The following DCAF5 variants were observed in gnomAD, a reference collection of about 807,000 sequenced individuals.
DCAF5 encodes DDB1 and CUL4 associated factor 5.
Under a neutral mutation model 80.7 loss-of-function variants are expected in DCAF5, and 9 were observed. The ratio of observed to expected loss-of-function variants is 0.11; its 90% confidence interval spans 0.07 to 0.19. DCAF5 has a LOEUF of 0.19. Among genes scored for constraint, DCAF5 ranks in the 10% least tolerant of loss-of-function variants. The pLI is 1.00. For missense variants in DCAF5, 842 were observed against 1,205.7 expected (o/e 0.70, Z 4.47); for synonymous variants, 433 against 461.9 (o/e 0.94, Z 0.80).
chr14:69,112,888 C>CG (rs2040420008), intron 5 of DCAF5, among the ~76,000 whole-genome samples: 1 of 152,164 alleles, frequency 6.6e-6, no homozygotes, highest in Admixed American at 6.5e-5. Flanking sequence ...AGTATGGCTT[C>CG]AGAGCCTATA....
intron 5 of DCAF5, among the ~76,000 whole-genome samples, chr14:69,094,450 A>C (rs2039633130): frequency 6.6e-6 from 1 of 152,192 alleles, no homozygotes; most frequent in African/African-American, 2.4e-5. Context: ...CTGACCTCTC[A>C]CACAAAGAAA....
chr14:69,126,770 G>A (rs1287204978), intron 1 of DCAF5, among the ~76,000 whole-genome samples: 1 of 152,118 alleles, frequency 6.6e-6, no homozygotes, highest in Non-Finnish European at 1.5e-5. Flanking sequence ...ATAATCAACT[G>A]ATCTTTGACC....
chr14:69,084,521 G>A (rs1315163691), intron 6 of DCAF5: 2 of 764,904 alleles, frequency 2.6e-6, no homozygotes, highest in African/African-American at 1.7e-5. Context: ...TCTGAAAAAG[G>A]AGCCATTGTA....
chr14:69,091,939 C>A, intron 5 of DCAF5, 52 bp from the exon 6 acceptor site: 1 of 1,466,930 alleles, frequency 6.8e-7, no homozygotes, highest in South Asian at 1.2e-5. Context: ...AAACAAGAGT[C>A]TGAAAAACAC....
At chr14:69,116,300 C>A in intron 5 of DCAF5, 66 bp downstream of exon 5, 1 of 1,559,866 alleles carries the variant, frequency 6.4e-7, no homozygotes, top group Non-Finnish European at 8.7e-7. Flanking sequence ...CACTTACTGG[C>A]TGGTCACATT....
intron 7 of DCAF5, among the ~76,000 whole-genome samples, chr14:69,070,395 T>C (rs919028141): frequency 9.2e-5 from 14 of 152,258 alleles, no homozygotes; most frequent in African/African-American, 3.1e-4. Context: ...CAATGTCTTG[T>C]ATTTGAATAC....
At chr14:69,144,251 A>G (rs746013842) in intron 1 of DCAF5, among the ~76,000 whole-genome samples, 1 of 152,154 alleles carries the variant, frequency 6.6e-6, no homozygotes, top group Admixed American at 6.5e-5. Flanking sequence ...AAAAAAGTTA[A>G]ATAATAATTT....
At position 69,052,781 on chromosome 14, in the gene DCAF5, C is replaced by G. The variant is rs997188689; in HGVS notation, c.*1076G>C. On this transcript the variant is annotated 3_prime_UTR_variant, in exon 9 of 9. Transcript: ENST00000341516. ...TCTGCAAAGTCTAGTGAGAACACCA[C>G]AGCCTCTATCAACTGCAAGTCTGAG... 6.6e-6 allele frequency: 1 copy of G among 152,286 alleles called. No homozygotes were observed. The highest frequency in any genetic ancestry group is 2.1e-4 in the South Asian group (1 of 4,834). The allele number at this position is 152,286 out of a possible 1,614,324, so 9.4% of individuals were successfully genotyped here.
intron 6 of DCAF5, chr14:69,085,408 T>C (rs1480901022): frequency 3.8e-6 from 2 of 531,870 alleles, no homozygotes; most frequent in Non-Finnish European, 7.1e-6. Context: ...CTTTCTTTCA[T>C]CTTGAATAAC....
Position 69,052,396 on chromosome 14 carries a change from C to T in DCAF5, c.*1461G>A, listed in dbSNP as rs2037791104. 2 of 152,746 alleles carry T rather than the reference C, an allele frequency of 1.3e-5. No homozygotes were observed. The highest frequency in any genetic ancestry group is 4.8e-5 in the African/African-American group (2 of 41,466). 9.5% of individuals were successfully genotyped at this position (152,746 alleles called of 1,614,324 possible). A position where few individuals can be genotyped will look rare whatever the true frequency, so the allele number is the denominator to read the frequency against. ...TCCCTACACCAATCCCAGCTGGGCT[C>T]CTAGTTGTCTAGCACCTTTGCACTC... On this transcript the variant is annotated 3_prime_UTR_variant, in exon 9 of 9. Coordinates refer to ENST00000341516, the MANE Select transcript of DCAF5 (RefSeq NM_003861.3).
intron 1 of DCAF5, among the ~76,000 whole-genome samples, chr14:69,134,893 TAAAAATATA>T (rs2041143729): frequency 6.6e-6 from 1 of 152,330 alleles, no homozygotes; most frequent in African/African-American, 2.4e-5. Flanking sequence ...GAATGTATCT[TAAAAATATA>T]AAAAATATTC....
chr14:69,147,396 G>A (rs1034257675), intron 1 of DCAF5, among the ~76,000 whole-genome samples: 3 of 152,288 alleles, frequency 2.0e-5, no homozygotes, highest in Non-Finnish European at 2.9e-5. Context: ...CATGGGTTAG[G>A]CCCTTGTGCT....
intron 1 of DCAF5, among the ~76,000 whole-genome samples, chr14:69,124,790 G>C (rs1396529071): frequency 6.6e-6 from 1 of 152,110 alleles, no homozygotes; most frequent in Non-Finnish European, 1.5e-5. Flanking sequence ...GTTCTCTATA[G>C]TCTCCACTCC....
chr14:69,054,411 C>G lies in DCAF5; in HGVS notation c.2275G>C (p.Glu759Gln). The part of the protein sequence containing the change: ...HSSHAWAEVP[E>Q]GTSQDTGNSG... ...TTGCCAGTGTCCTGAGAGGTACCCT[C>G]TGGCACCTCTGCCCAAGCATGGCTG... The change falls in exon 9 of 9, where the codon GAG (glutamate) becomes CAG (glutamine). Residue 759 changes from glutamate (E) to glutamine (Q), a missense_variant. Glu to Gln is a conservative substitution (Grantham distance 29). Transcript: ENST00000341516. 6.2e-7 allele frequency: 1 copy of G among 1,614,088 alleles called. No individual in the cohort carries two copies. The highest frequency in any genetic ancestry group is 2.2e-5 in the East Asian group (1 of 44,890).
Position 69,117,847 on chromosome 14 carries a change from T to C in DCAF5, c.535+292A>G, listed in dbSNP as rs566285524. 9.2e-5 allele frequency among the ~76,000 whole-genome samples: 14 copies of C among 152,260 alleles called. No homozygotes were observed. In the South Asian group the frequency reaches 2.9e-3, roughly 32 times the overall value. ...ATTCTCTGTAAATAATCAAGAATAG[T>C]TACATGTCAGCACCACAACTTCTGC... On this transcript the variant is annotated intron_variant, in intron 4 of 8. Coordinates refer to ENST00000341516, the MANE Select transcript of DCAF5 (RefSeq NM_003861.3).
intron 5 of DCAF5, among the ~76,000 whole-genome samples, chr14:69,106,262 G>A (rs1026244646): frequency 2.0e-5 from 3 of 151,860 alleles, no homozygotes; most frequent in Non-Finnish European, 4.4e-5. Flanking sequence ...CACTATGTTG[G>A]CCAGGCTGGT....
Position 69,054,145 on chromosome 14 carries a change from GTTA to G in DCAF5, c.2538_2540del (p.Asn847del). The G allele has an allele frequency of 6.2e-7, 1 of 1,614,242 alleles. No homozygotes were observed. The highest frequency in any genetic ancestry group is 8.5e-7 in the Non-Finnish European group (1 of 1,180,034). ...CCTCCAGCTCCCCCAAGTTCTGCCC[GTTA>G]TTGTGAGGGTGAGGGGGACGAGGGT... On this transcript the variant is annotated inframe_deletion, in exon 9 of 9. Transcript: ENST00000341516.
intron 5 of DCAF5, among the ~76,000 whole-genome samples, chr14:69,110,208 T>C (rs1475590197): frequency 1.3e-5 from 2 of 151,444 alleles, no homozygotes; most frequent in Non-Finnish European, 2.9e-5. Context: ...ATTCTGGATA[T>C]TCTTAATGTA....
intron 6 of DCAF5, among the ~76,000 whole-genome samples, chr14:69,080,352 G>C (rs1182672817): frequency 6.6e-6 from 1 of 151,948 alleles, no homozygotes; most frequent in African/African-American, 2.4e-5. Flanking sequence ...ACAAATATTT[G>C]CTGTGGGATA....
Sources: gnomAD v4.1 joint callset for allele counts (sites outside exome capture counted in the v4.1 genomes callset) on GRCh38, gnomAD v4.1.1 for gene constraint, MANE v1.5 for transcripts, NCBI Gene and HGNC (gene_info 2026-07-23, HGNC 2026-07-21) for gene names.